FBXL7: variants seen among roughly 807,000 people sequenced by gnomAD.
FBXL7 encodes the protein F-box/LRR-repeat protein 7.
In FBXL7, 12 loss-of-function variants were observed where a neutral mutation model predicts 38.3. The ratio of observed to expected loss-of-function variants is 0.31; its 90% CI spans 0.20 to 0.51. FBXL7 has a LOEUF of 0.51. Ranked by LOEUF, FBXL7 falls within the 20% of genes least tolerant of loss-of-function variation. The pLI is 0.98. For synonymous variants in FBXL7, 297 were observed against 300.9 expected (o/e 0.99, Z 0.13); for missense variants, 567 against 676.4 (o/e 0.84, Z 1.79).
intron 2 of FBXL7, among the ~76,000 whole-genome samples, chr5:15,847,483 T>C (rs989626115): frequency 1.3e-5 from 2 of 152,244 alleles, no homozygotes; most frequent in East Asian, 3.9e-4. Context: ...CAATTCAAGA[T>C]GAGATTTGGG....
intron 2 of FBXL7, among the ~76,000 whole-genome samples, chr5:15,757,342 C>G (rs576200078): frequency 1.3e-5 from 2 of 152,272 alleles, no homozygotes; most frequent in South Asian, 2.1e-4. Context: ...GCTGTACAGA[C>G]TCTAAGACCT....
At chr5:15,628,423 A>C (rs1297343755) in intron 2 of FBXL7, among the ~76,000 whole-genome samples, 1 of 152,142 alleles carries the variant, frequency 6.6e-6, no homozygotes, top group African/African-American at 2.4e-5. Flanking sequence ...GTGGCCCATA[A>C]GGTGACATGT....
chr5:15,924,088 C>G (rs1741816947), intron 2 of FBXL7, among the ~76,000 whole-genome samples: 1 of 152,130 alleles, frequency 6.6e-6, no homozygotes, highest in African/African-American at 2.4e-5. Flanking sequence ...TCTCTGCGTA[C>G]TCATAATAAT....
chr5:15,635,518 C>T (rs1166888970), intron 2 of FBXL7, among the ~76,000 whole-genome samples: 3 of 152,110 alleles, frequency 2.0e-5, no homozygotes, highest in Non-Finnish European at 4.4e-5. Flanking sequence ...TGACCCTGCT[C>T]CATGGGATGA....
intron 2 of FBXL7, among the ~76,000 whole-genome samples, chr5:15,762,878 C>T (rs1351167733): frequency 6.6e-6 from 1 of 152,170 alleles, no homozygotes. Flanking sequence ...TTATGACCCT[C>T]GTGTAAAATC....
chr5:15,799,083 G>A (rs1266103007), intron 2 of FBXL7, among the ~76,000 whole-genome samples: 1 of 152,174 alleles, frequency 6.6e-6, no homozygotes, highest in African/African-American at 2.4e-5. Flanking sequence ...CACTGACCAG[G>A]CAATTGAATA....
chr5:15,803,666 G>C (rs549893057), intron 2 of FBXL7, among the ~76,000 whole-genome samples: 1 of 151,720 alleles, frequency 6.6e-6, no homozygotes, highest in African/African-American at 2.4e-5. Context: ...AAATTTATTA[G>C]ATGACCTACC....
Position 15,937,136 on chromosome 5 carries a change from C to G in FBXL7, c.1426C>G (p.Arg476Gly). 1.2e-6 allele frequency: 2 copies of G among 1,610,192 alleles called. No homozygotes were observed. Among genetic ancestry groups the G allele is most frequent in the Non-Finnish European group, 1.7e-6 (2 of 1,177,426 alleles). ...CGTGGAGGCCCTGCGCTTTGTCAAA[C>G]GCCACTGCAAGCGCTGCGTCATCGA... is the stretch of plus-strand genomic sequence containing the variant. The part of the protein sequence containing the change: ...VSVEALRFVK[R>G]HCKRCVIEHT... Residue 476 changes from arginine (R) to glycine (G), a missense_variant, in exon 4 of 4, where the codon CGC (arginine) becomes GGC (glycine). Arg to Gly is a moderately radical substitution (Grantham distance 125). Coordinates refer to ENST00000504595, the MANE Select transcript of FBXL7 (RefSeq NM_012304.5).
chr5:15,749,503 C>T lies in FBXL7; in HGVS notation c.127+133431C>T, dbSNP rs894816464. On this transcript the variant is annotated intron_variant, in intron 2 of 3. Transcript: ENST00000504595. ...TTAGCCAGGCGTGGTTGCGGGCGCC[C>T]GTAGTCCCAGCTACTCGGGAGGCTG... Among the ~76,000 whole-genome samples the T allele has an allele frequency of 2.4e-4, 36 of 148,828 alleles. No individual in the cohort carries two copies. The East Asian group carries it at 3.3e-3, about 14-fold the overall frequency.
chr5:15,619,241 C>T (rs1157616358), intron 2 of FBXL7, among the ~76,000 whole-genome samples: 1 of 152,172 alleles, frequency 6.6e-6, no homozygotes, highest in Non-Finnish European at 1.5e-5. Context: ...TGTGCATTCC[C>T]GGGAAGCTGT....
At chr5:15,556,014 T>TATCTATCA (rs1738224694) in intron 1 of FBXL7, among the ~76,000 whole-genome samples, 1 of 148,412 alleles carries the variant, frequency 6.7e-6, no homozygotes, top group Non-Finnish European at 1.5e-5. Flanking sequence ...TCTATCTATC[T>TATCTATCA]ATCATCTATC....
chr5:15,821,871 TG>T (rs1378900047), intron 2 of FBXL7, among the ~76,000 whole-genome samples: 1 of 152,142 alleles, frequency 6.6e-6, no homozygotes, highest in Non-Finnish European at 1.5e-5. Context: ...ATCCTTATGG[TG>T]CCTGAATTAG....
intron 2 of FBXL7, among the ~76,000 whole-genome samples, chr5:15,634,400 C>T (rs1403037157): frequency 2.0e-5 from 3 of 148,678 alleles, no homozygotes; most frequent in Non-Finnish European, 4.4e-5. Flanking sequence ...CAGCTCACTG[C>T]AACCCCCGCC....
At chr5:15,524,396 C>T (rs1004126012) in intron 1 of FBXL7, among the ~76,000 whole-genome samples, 2 of 152,136 alleles carry the variant, frequency 1.3e-5, no homozygotes, top group East Asian at 3.8e-4. Context: ...AATAAACAGA[C>T]CTCTTCCAAG....
intron 2 of FBXL7, among the ~76,000 whole-genome samples, chr5:15,813,957 G>A (rs1737938582): frequency 6.6e-6 from 1 of 152,130 alleles, no homozygotes; most frequent in Admixed American, 6.6e-5. Context: ...GGAGAAATAG[G>A]AATGCTTTTA....
At chr5:15,503,255 T>A (rs1297468654) in intron 1 of FBXL7, among the ~76,000 whole-genome samples, 1 of 152,132 alleles carries the variant, frequency 6.6e-6, no homozygotes, top group East Asian at 1.9e-4. Context: ...ACCCTGTCTC[T>A]ACTAAAAATA....
intron 2 of FBXL7, among the ~76,000 whole-genome samples, chr5:15,644,329 G>T (rs1741463327): frequency 1.4e-5 from 2 of 140,900 alleles, no homozygotes; most frequent in Admixed American, 1.4e-4. Flanking sequence ...AAAAAAAAAG[G>T]CCAGGCGTGG....
chr5:15,614,626 T>C (rs1437674530), intron 1 of FBXL7, among the ~76,000 whole-genome samples: 1 of 152,206 alleles, frequency 6.6e-6, no homozygotes, highest in Non-Finnish European at 1.5e-5. Context: ...CAGCTTAACA[T>C]AGGAGCATTT....
chr5:15,585,314 G>T (rs1223852479), intron 1 of FBXL7, among the ~76,000 whole-genome samples: 1 of 152,124 alleles, frequency 6.6e-6, no homozygotes, highest in Non-Finnish European at 1.5e-5. Context: ...AGGGAGAGAT[G>T]AATCCAATTA....
Sources: gnomAD v4.1 joint callset for allele counts (sites outside exome capture counted in the v4.1 genomes callset) on GRCh38, gnomAD v4.1.1 for gene constraint, MANE v1.5 for transcripts, NCBI Gene and HGNC (gene_info 2026-07-23, HGNC 2026-07-21) for gene names.